BTNL2: variants seen among roughly 807,000 people sequenced by gnomAD.
BTNL2 encodes the protein butyrophilin like 2.
BTNL2 carries 46 observed loss-of-function variants against 46.8 expected under a neutral mutation model. The ratio of observed to expected loss-of-function variants is 0.98; its 90% CI spans 0.78 to 1.26. The LOEUF (loss-of-function observed/expected upper bound fraction) is 1.26, where lower values mean the gene tolerates loss of function less well. Among genes scored for constraint, BTNL2 ranks in the 50% most tolerant of loss-of-function variants. The pLI, the probability that BTNL2 is intolerant of heterozygous loss-of-function variation, is 0.00. For missense variants in BTNL2, 461 were observed against 592.6 expected, an observed-to-expected ratio of 0.78 and a Z score of 2.31; for synonymous variants, 226 against 229.1, an observed-to-expected ratio of 0.99 and a Z score of 0.12.
chr6:32,395,613 C>T (rs185606427), intron 5 of BTNL2, among the ~76,000 whole-genome samples: 1 of 152,072 alleles, frequency 6.6e-6, no homozygotes, highest in South Asian at 2.1e-4. Flanking sequence ...CATCTTTTCT[C>T]CCCTGTCCCT....
intron 5 of BTNL2, 84 bp from the exon 6 acceptor site, chr6:32,395,109 T>C (rs1387984297): frequency 6.4e-6 from 9 of 1,406,758 alleles, no homozygotes; most frequent in Non-Finnish European, 2.9e-6. Flanking sequence ...AAGAAGGGGA[T>C]GTGGAGGGCT....
At position 32,395,017 on chromosome 6, in the gene BTNL2, A is replaced by G. The variant is rs1311528409; in HGVS notation, c.1087T>C (p.Ser363Pro). Residue 363 changes from serine (S) to proline (P), a missense_variant, in exon 6 of 8, where the codon TCT (serine) becomes CCT (proline). Transcript: ENST00000454136. Reference sequence around the variant, plus strand: ...CCCTCCACAGTGATCAGTGGGGAAGAACCCAGACCTGGGGCAGAGAAAGCA... The same window carrying G: ...CCCTCCACAGTGATCAGTGGGGAAGGACCCAGACCTGGGGCAGAGAAAGCA... ...SLDLKVVSLG[S>P]SPLITVEGQE... is the part of the protein sequence containing the mutation. 1.3e-6 allele frequency: 2 copies of G among 1,573,732 alleles called. No individual in the cohort carries two copies. The highest frequency in any genetic ancestry group is 4.5e-5 in the East Asian group (2 of 44,246).
chr6:32,399,377 A>G lies in BTNL2; in HGVS notation c.730+2408T>C, dbSNP rs1776624125. Among the ~76,000 whole-genome samples the G allele has an allele frequency of 6.6e-6, 1 of 152,244 alleles. No homozygotes were observed. Among genetic ancestry groups the G allele is most frequent in the South Asian group, 2.1e-4 (1 of 4,834 alleles). On this transcript the variant is annotated intron_variant, in intron 4 of 7. Transcript: ENST00000454136. The surrounding 1 kb of genome is among the most constrained non-coding windows in gnomAD (Gnocchi z 5.2). Reference sequence around the variant, plus strand: ...TTCCTTGAAACCTGATAATCTCATCATCATACCACATAATCCTCTTTCAAT... The same window carrying G: ...TTCCTTGAAACCTGATAATCTCATCGTCATACCACATAATCCTCTTTCAAT...
At chr6:32,397,221 CCTAACTTAGGAGCTAAGG>C (rs1440170726) in intron 4 of BTNL2, among the ~76,000 whole-genome samples, 3 of 152,164 alleles carry the variant, frequency 2.0e-5, no homozygotes, top group African/African-American at 7.2e-5. Flanking sequence ...TATGAATAAG[CCTAACTTAGGAGCTAAGG>C]CTAACTTAGG....
chr6:32,405,826 TTTG>T (rs765910447), intron 1 of BTNL2, among the ~76,000 whole-genome samples: 18,463 of 141,412 alleles, frequency 0.13, 1,363 homozygotes, highest in East Asian at 0.32. Flanking sequence ...TTGTTTTTTT[TTTG>T]TTTGTTTTTT....
intron 3 of BTNL2, 106 bp from the exon 4 acceptor site, chr6:32,401,911 A>C: frequency 1.2e-6 from 1 of 829,732 alleles, no homozygotes; most frequent in Non-Finnish European, 1.8e-6. Context: ...AGGGAAGCTC[A>C]ATTCATTAAA....
intron 1 of BTNL2, chr6:32,406,818 A>G (rs2395158): frequency 0.12 from 47,873 of 395,194 alleles, 3,564 homozygotes; most frequent in Non-Finnish European, 0.15. Context: ...CATTAAAAAG[A>G]TGAAAGAACT....
intron 3 of BTNL2, 72 bp from the exon 4 acceptor site, chr6:32,401,877 AAG>A: frequency 7.1e-7 from 1 of 1,405,224 alleles, no homozygotes; most frequent in Non-Finnish European, 9.9e-7. Flanking sequence ...TTTTTTAAAA[AAG>A]AAAGCAATTT....
rs1403680041 is a variant in BTNL2 at position 32,393,561 on chromosome 6, TCAC to T, written c.*7-175_*7-173del. On this transcript the variant is annotated intron_variant, in intron 7 of 7. Coordinates refer to ENST00000454136, the MANE Select transcript of BTNL2 (RefSeq NM_001304561.2). This position sits in a 1 kb window ranked among gnomAD's most constrained non-coding sequence, Gnocchi z 4.8. ...TGAGAAGTCACCAGCAACACAGAAA[TCAC>T]CAACAAGTAGGTCACCACATTTTTA... 1 of 155,632 alleles carries T rather than the reference TCAC, an allele frequency of 6.4e-6. No individual in the cohort carries two copies. The highest frequency in any genetic ancestry group is 1.4e-5 in the Non-Finnish European group (1 of 70,824). The allele number at this position is 155,632 out of a possible 1,614,324, so 9.6% of individuals were successfully genotyped here.
chr6:32,401,904 G>A lies in BTNL2; in HGVS notation c.710-99C>T, dbSNP rs117958394. The A allele has an allele frequency of 0.014, 12,918 of 940,890 alleles. 637 individuals are homozygous for A. In the East Asian group the frequency reaches 0.15, roughly 11 times the overall value. The allele number at this position is 940,890 out of a possible 1,614,324, so 58.3% of individuals were successfully genotyped here. A position where few individuals can be genotyped will look rare whatever the true frequency, so the allele number is the denominator to read the frequency against. ...GAAAGCAATTTATACATTATATAGG[G>A]AAGCTCAATTCATTAAAAAAATGAA... On this transcript the variant is annotated intron_variant, in intron 3 of 7. Transcript: ENST00000454136.
At position 32,396,036 on chromosome 6, in the gene BTNL2, T is replaced by C. The variant is rs1186174666; in HGVS notation, c.1078+3A>G. ...ATACAAAATATCTATCTAGAATTCT[T>C]ACTTACCACCTTCAGATCCAAACTG... On this transcript the variant is annotated splice_donor_region_variant and intron_variant, in intron 5 of 7. Coordinates refer to ENST00000454136, the MANE Select transcript of BTNL2 (RefSeq NM_001304561.2). The surrounding 1 kb of genome is among the most constrained non-coding windows in gnomAD (Gnocchi z 4.4). 1 of 1,607,080 alleles carries C rather than the reference T, an allele frequency of 6.2e-7. No homozygotes were observed. The highest frequency in any genetic ancestry group is 1.7e-5 in the Admixed American group (1 of 59,850).
chr6:32,396,033 T>G lies in BTNL2; in HGVS notation c.1078+6A>C, dbSNP rs764963233. The G allele has an allele frequency of 9.0e-5, 144 of 1,604,274 alleles. No individual in the cohort carries two copies. The highest frequency in any genetic ancestry group is 1.2e-4 in the Non-Finnish European group (139 of 1,173,376). On this transcript the variant is annotated splice_donor_region_variant and intron_variant, in intron 5 of 7. Transcript: ENST00000454136. The surrounding 1 kb of genome is among the most constrained non-coding windows in gnomAD (Gnocchi z 4.4). ...TGAATACAAAATATCTATCTAGAAT[T>G]CTTACTTACCACCTTCAGATCCAAA...
Position 32,394,311 on chromosome 6 carries a change from T to C in BTNL2, c.1361-254A>G, listed in dbSNP as rs1776304788. The stretch of plus-strand genomic sequence containing the variant: ...TCTTCCAACTATATCACACAATCAC[T>C]GGAATGACTTGAGGAGGAAAGGATA... On this transcript the variant is annotated intron_variant, in intron 6 of 7. Transcript: ENST00000454136. This position sits in a 1 kb window ranked among gnomAD's most constrained non-coding sequence, Gnocchi z 4.6. 1.3e-5 allele frequency among the ~76,000 whole-genome samples: 2 copies of C among 152,088 alleles called. No individual in the cohort carries two copies. Among genetic ancestry groups the C allele is most frequent in the African/African-American group, 4.8e-5 (2 of 41,406 alleles).
At chr6:32,403,842 A>G (rs3793126) in intron 2 of BTNL2, 36,313 of 152,224 alleles carry the variant, frequency 0.24, 4,556 homozygotes, top group Admixed American at 0.29. Flanking sequence ...TGAAATCATG[A>G]ATTTTTTTTC....
intron 4 of BTNL2, among the ~76,000 whole-genome samples, chr6:32,400,745 T>TAAAAATACAAAAAAAAAAAAAAA (rs9281774): frequency 2.4e-5 from 2 of 82,164 alleles, no homozygotes; most frequent in Non-Finnish European, 5.2e-5. Context: ...CCGTCTCTAC[T>TAAAAATACAAAAAAAAAAAAAAA]AAAAAAAAAA....
At position 32,401,689 on chromosome 6, in the gene BTNL2, T is replaced by C. The variant is rs117501081; in HGVS notation, c.730+96A>G. 14,579 of 1,223,802 alleles carry C rather than the reference T, an allele frequency of 0.012. 727 individuals are homozygous for C. In the East Asian group the frequency reaches 0.14, roughly 12 times the overall value. 75.8% of individuals were successfully genotyped at this position (1,223,802 alleles called of 1,614,324 possible). Reference sequence around the variant, plus strand: ...ACCTGGTAAAATCGTGCCTCAGTTTTTCCTCTGGGTCACATGGTCTCGTGG... The same window carrying C: ...ACCTGGTAAAATCGTGCCTCAGTTTCTCCTCTGGGTCACATGGTCTCGTGG... On this transcript the variant is annotated intron_variant, in intron 4 of 7. Coordinates refer to ENST00000454136, the MANE Select transcript of BTNL2 (RefSeq NM_001304561.2).
At position 32,399,520 on chromosome 6, in the gene BTNL2, AAAAT is replaced by A. The variant is rs1776629023; in HGVS notation, c.730+2261_730+2264del. 6.6e-6 allele frequency among the ~76,000 whole-genome samples: 1 copy of A among 152,218 alleles called. No homozygotes were observed. Among genetic ancestry groups the A allele is most frequent in the Admixed American group, 6.5e-5 (1 of 15,288 alleles). The stretch of plus-strand genomic sequence containing the variant: ...CAACCTGTTCACTTTAAAGATGAGA[AAAAT>A]AGAGATGAATGAGCTGACAAAGTCA... On this transcript the variant is annotated intron_variant, in intron 4 of 7. Coordinates refer to ENST00000454136, the MANE Select transcript of BTNL2 (RefSeq NM_001304561.2). The surrounding 1 kb of genome is among the most constrained non-coding windows in gnomAD (Gnocchi z 5.2).
Position 32,396,046 on chromosome 6 carries a change from C to T in BTNL2, c.1071G>A (p.Lys357=). 6.2e-7 allele frequency: 1 copy of T among 1,611,228 alleles called. No individual in the cohort carries two copies. The highest frequency in any genetic ancestry group is 8.5e-7 in the Non-Finnish European group (1 of 1,178,642). Residue 357 remains lysine (K), a synonymous_variant, in exon 5 of 8, where the codon AAG becomes AAA. Transcript: ENST00000454136. The surrounding 1 kb of genome is among the most constrained non-coding windows in gnomAD (Gnocchi z 4.4). ...DVYQEASLDL[K]VVSLGSSPLI... is the part of the protein sequence containing the mutation. ...TCTATCTAGAATTCTTACTTACCACCTTCAGATCCAAACTGGCCTCCTGGT... is the reference window on the plus strand; with the variant it reads ...TCTATCTAGAATTCTTACTTACCACTTTCAGATCCAAACTGGCCTCCTGGT...
intron 4 of BTNL2, among the ~76,000 whole-genome samples, chr6:32,400,745 T>TAAAAAAACAAAA (rs1776703377): frequency 1.2e-5 from 1 of 82,144 alleles, no homozygotes; most frequent in Non-Finnish European, 2.6e-5. Flanking sequence ...CCGTCTCTAC[T>TAAAAAAACAAAA]AAAAAAAAAA....
Sources: allele counts gnomAD v4.1 joint callset (sites outside exome capture counted in the v4.1 genomes callset), GRCh38; gene constraint gnomAD v4.1.1; non-coding constraint Gnocchi (gnomAD v3.1); transcripts MANE v1.5; gene names NCBI Gene and HGNC (gene_info 2026-07-23, HGNC 2026-07-21).